Variants in ULK4 observed in about 807,000 individuals in gnomAD.
ULK4 encodes inactive serine/threonine-protein kinase ULK4.
ULK4 carries 133 observed loss-of-function variants against 160.6 expected under a neutral mutation model. The ratio of observed to expected loss-of-function variants is 0.83; its 90% CI spans 0.72 to 0.96. The LOEUF (loss-of-function observed/expected upper bound fraction) is 0.96. Ranked by LOEUF, ULK4 falls within the 40% of genes least tolerant of loss-of-function variation. The pLI, the probability that ULK4 is intolerant of heterozygous loss-of-function variation, is 0.00. For missense variants in ULK4, 1,580 were observed against 1,499.5 expected (o/e 1.05, Z -0.89); for synonymous variants, 534 against 539.8 (o/e 0.99, Z 0.15).
At chr3:41,527,983 T>C (rs1052998960) in intron 32 of ULK4, among the ~76,000 whole-genome samples, 1 of 152,156 alleles carries the variant, frequency 6.6e-6, no homozygotes, top group African/African-American at 2.4e-5. Context: ...GAATTATAAA[T>C]GTATGACACA....
At chr3:41,941,755 C>CAAAAAAAAAAAAAAAAA (rs565727539) in intron 2 of ULK4, among the ~76,000 whole-genome samples, 1 of 30,752 alleles carries the variant, frequency 3.3e-5, no homozygotes, top group African/African-American at 8.1e-5. Context: ...GACTCTGTCT[C>CAAAAAAAAAAAAAAAAA]AAAAAAAAAA....
At chr3:41,291,489 G>T (rs938502305) in intron 35 of ULK4, among the ~76,000 whole-genome samples, 4 of 148,540 alleles carry the variant, frequency 2.7e-5, no homozygotes, top group Non-Finnish European at 4.5e-5. Flanking sequence ...GAGGAAAGAA[G>T]GAAGAAAGGA....
intron 20 of ULK4, among the ~76,000 whole-genome samples, chr3:41,798,979 C>T (rs1322339206): frequency 6.6e-6 from 1 of 152,068 alleles, no homozygotes; most frequent in African/African-American, 2.4e-5. Flanking sequence ...GACAGATGTG[C>T]AGGTAAATAG....
chr3:41,637,177 T>C (rs1306894422), intron 30 of ULK4, among the ~76,000 whole-genome samples: 3 of 152,196 alleles, frequency 2.0e-5, no homozygotes, highest in Non-Finnish European at 4.4e-5. Context: ...TTTTAGCTTT[T>C]GACCAGCATC....
chr3:41,615,354 T>A (rs532243313), intron 31 of ULK4, among the ~76,000 whole-genome samples: 1 of 152,308 alleles, frequency 6.6e-6, no homozygotes, highest in East Asian at 1.9e-4. Flanking sequence ...TAATCATTCT[T>A]CCCTCTCTAT....
intron 1 of ULK4, among the ~76,000 whole-genome samples, chr3:41,959,460 C>T (rs899436434): frequency 1.3e-5 from 2 of 151,092 alleles, no homozygotes; most frequent in African/African-American, 4.9e-5. Flanking sequence ...CCAGGAGGCA[C>T]AGGTTGCAGT....
intron 22 of ULK4, among the ~76,000 whole-genome samples, chr3:41,733,725 A>ATTT (rs778572755): frequency 0.015 from 1,440 of 93,536 alleles, 215 homozygotes; most frequent in African/African-American, 0.043. Flanking sequence ...TAAACACATG[A>ATTT]TTTTTTTTTT....
chr3:41,792,416 A>C (rs919717006), intron 20 of ULK4, among the ~76,000 whole-genome samples: 4 of 151,932 alleles, frequency 2.6e-5, no homozygotes, highest in Non-Finnish European at 5.9e-5. Flanking sequence ...ATTTTTTTTA[A>C]AAAAAAGATC....
chr3:41,568,146 A>G (rs1365096130), intron 31 of ULK4, among the ~76,000 whole-genome samples: 1 of 152,228 alleles, frequency 6.6e-6, no homozygotes, highest in East Asian at 1.9e-4. Flanking sequence ...TCAGTGAACA[A>G]AACAGAAAAA....
At chr3:41,483,657 C>A (rs928377713) in intron 32 of ULK4, among the ~76,000 whole-genome samples, 6 of 152,130 alleles carry the variant, frequency 3.9e-5, no homozygotes, top group Admixed American at 1.3e-4. Flanking sequence ...AATGCTCCCC[C>A]ACCCCACCCA....
intron 32 of ULK4, among the ~76,000 whole-genome samples, chr3:41,482,880 G>T (rs2084377806): frequency 6.6e-6 from 1 of 151,786 alleles, no homozygotes; most frequent in Non-Finnish European, 1.5e-5. Flanking sequence ...AATTTTTGTG[G>T]GTACATAATA....
intron 17 of ULK4, among the ~76,000 whole-genome samples, chr3:41,857,396 T>C (rs1411036832): frequency 2.0e-5 from 3 of 152,214 alleles, no homozygotes; most frequent in Admixed American, 1.3e-4. Flanking sequence ...TACTAGCCCA[T>C]AGTTTTCTTT....
At position 41,398,617 on chromosome 3, in the gene ULK4, C is replaced by T. The variant is rs141100500; in HGVS notation, c.3493-353G>A. On this transcript the variant is annotated intron_variant, in intron 34 of 36. Transcript: ENST00000301831. ...ATGTTGCCCAGGCTAGTTTTGAACTCCTGGGTTCAAGGAATCCTCCTTCCT... is the reference window on the plus strand; with the variant it reads ...ATGTTGCCCAGGCTAGTTTTGAACTTCTGGGTTCAAGGAATCCTCCTTCCT... Among the ~76,000 whole-genome samples the T allele has an allele frequency of 8.5e-3, 1,279 of 149,940 alleles. 67 individuals are homozygous for T. The highest frequency in any genetic ancestry group is 0.078 in the Admixed American group (1,160 of 14,966).
intron 31 of ULK4, among the ~76,000 whole-genome samples, chr3:41,567,883 CAG>C (rs907108238): frequency 1.3e-5 from 2 of 152,118 alleles, no homozygotes; most frequent in Non-Finnish European, 2.9e-5. Context: ...AAAGATAGTA[CAG>C]AGAGTTTCCA....
chr3:41,504,788 A>AT (rs1468881667), intron 32 of ULK4, among the ~76,000 whole-genome samples: 3 of 152,184 alleles, frequency 2.0e-5, no homozygotes. Context: ...TAGAAATAAC[A>AT]TTTCATTTGC....
At chr3:41,656,881 TAA>T (rs1315756117) in intron 30 of ULK4, among the ~76,000 whole-genome samples, 1 of 152,216 alleles carries the variant, frequency 6.6e-6, no homozygotes, top group East Asian at 1.9e-4. Context: ...TCAAAGAAGT[TAA>T]AATGTAATTT....
At position 41,831,825 on chromosome 3, in the gene ULK4, T is replaced by G. The variant is rs187646905; in HGVS notation, c.1764+4039A>C. 4.8e-4 allele frequency among the ~76,000 whole-genome samples: 73 copies of G among 152,256 alleles called. 1 individual carries two copies. Among genetic ancestry groups the G allele is most frequent in the South Asian group, 1.0e-3 (5 of 4,814 alleles). ...TTAGGTTTTCTGTTCCTGTGTTAGT[T>G]TGCTGAGGATGATGGCTTCCAGCTT... On this transcript the variant is annotated intron_variant, in intron 18 of 36. Coordinates refer to ENST00000301831, the MANE Select transcript of ULK4 (RefSeq NM_017886.4).
chr3:41,710,558 C>G (rs567994062), intron 25 of ULK4, among the ~76,000 whole-genome samples: 62 of 152,220 alleles, frequency 4.1e-4, no homozygotes, highest in African/African-American at 1.4e-3. Flanking sequence ...CTTTGGGAGG[C>G]TGAGGCAGGC....
At chr3:41,268,054 A>C (rs1479396009) in intron 35 of ULK4, among the ~76,000 whole-genome samples, 1 of 152,188 alleles carries the variant, frequency 6.6e-6, no homozygotes, top group Non-Finnish European at 1.5e-5. Flanking sequence ...CAATGTCTGG[A>C]AACACTTTTG....
Sources: allele counts gnomAD v4.1 joint callset (sites outside exome capture counted in the v4.1 genomes callset), GRCh38; gene constraint gnomAD v4.1.1; transcripts MANE v1.5; gene names NCBI Gene and HGNC (gene_info 2026-07-23, HGNC 2026-07-21).